Variants in FAM13B observed in about 807,000 individuals in gnomAD.
FAM13B encodes the protein family with sequence similarity 13 member B.
Under a neutral mutation model 117.3 loss-of-function variants are expected in FAM13B, and 60 were observed. That is an observed-to-expected ratio of 0.51 (90% CI 0.42 to 0.63). FAM13B has a LOEUF of 0.63. FAM13B is among the 30% of genes least tolerant of loss of function. The pLI, the probability that FAM13B is intolerant of heterozygous loss-of-function variation, is 0.00. For missense variants in FAM13B, 972 were observed against 1,091.9 expected, an observed-to-expected ratio of 0.89 and a Z score of 1.55; for synonymous variants, 332 against 356.1, an observed-to-expected ratio of 0.93 and a Z score of 0.76.
chr5:137,985,091 T>C (rs1561494996), intron 10 of FAM13B, among the ~76,000 whole-genome samples, 166 bp downstream of exon 10: 1 of 152,226 alleles, frequency 6.6e-6, no homozygotes, highest in Non-Finnish European at 1.5e-5. Context: ...TATACTTCTC[T>C]ACCCAGTGAT....
chr5:138,022,406 C>A (rs1266213420), intron 1 of FAM13B, among the ~76,000 whole-genome samples: 1 of 152,140 alleles, frequency 6.6e-6, no homozygotes, highest in Non-Finnish European at 1.5e-5. Context: ...CAGGACTCTG[C>A]CCAAGAAGCT....
chr5:138,026,938 CAAATAAATAAAT>C (rs36001323), intron 1 of FAM13B, among the ~76,000 whole-genome samples: 9,079 of 137,354 alleles, frequency 0.066, 389 homozygotes, highest in African/African-American at 0.12. Flanking sequence ...GACTCCATCT[CAAATAAATAAAT>C]AAATAAATAA....
At chr5:137,969,300 A>C (rs1771224047) in intron 10 of FAM13B, among the ~76,000 whole-genome samples, 1 of 152,150 alleles carries the variant, frequency 6.6e-6, no homozygotes, top group African/African-American at 2.4e-5. Flanking sequence ...TGGGTCCCTG[A>C]CCCTTGACCC....
chr5:138,003,912 T>A (rs193116641), intron 7 of FAM13B, among the ~76,000 whole-genome samples: 2 of 152,284 alleles, frequency 1.3e-5, no homozygotes, highest in East Asian at 3.9e-4. Context: ...GAATCCTTCT[T>A]ATTAATAAAC....
At chr5:138,020,320 A>G (rs1318954969) in intron 2 of FAM13B, among the ~76,000 whole-genome samples, 1 of 152,186 alleles carries the variant, frequency 6.6e-6, no homozygotes, top group Non-Finnish European at 1.5e-5. Flanking sequence ...TCAGCCTCCA[A>G]AGCGCTGGGA....
rs188858679 is a variant in FAM13B, at chr5:138,030,279, C to T, written c.-203+2503G>A. Reference sequence around the variant, plus strand: ...TTTTGTTTTTTGAGACAGGGTCTCACTCTGTCCCCCAGGCTGGAATGCAAT... The same window carrying T: ...TTTTGTTTTTTGAGACAGGGTCTCATTCTGTCCCCCAGGCTGGAATGCAAT... On this transcript the variant is annotated intron_variant, in intron 1 of 23. Coordinates refer to ENST00000689681, the MANE Select transcript of FAM13B (RefSeq NM_001385994.1). 3.3e-3 allele frequency among the ~76,000 whole-genome samples: 495 copies of T among 152,298 alleles called. 3 individuals are homozygous for T. Among genetic ancestry groups the T allele is most frequent in the African/African-American group, 0.011 (475 of 41,564 alleles).
At chr5:137,990,344 T>C (rs1229873129) in intron 7 of FAM13B, among the ~76,000 whole-genome samples, 1 of 152,238 alleles carries the variant, frequency 6.6e-6, no homozygotes, top group East Asian at 1.9e-4. Context: ...GCCATTTAAT[T>C]TGTGATCTCT....
At chr5:137,963,425 T>C (rs1316467056) in intron 10 of FAM13B, among the ~76,000 whole-genome samples, 1 of 152,268 alleles carries the variant, frequency 6.6e-6, no homozygotes. Context: ...CAACCTTACT[T>C]ATGTTACCAT....
intron 13 of FAM13B, among the ~76,000 whole-genome samples, chr5:137,959,396 T>G (rs1169417182): frequency 1.3e-5 from 2 of 152,208 alleles, no homozygotes; most frequent in South Asian, 4.1e-4. Context: ...TCAAAGCTGT[T>G]GATGGATCAG....
chr5:137,991,012 T>A (rs1263040652), intron 7 of FAM13B, among the ~76,000 whole-genome samples: 1 of 151,886 alleles, frequency 6.6e-6, no homozygotes, highest in Non-Finnish European at 1.5e-5. Flanking sequence ...TCAAAAAGGG[T>A]TTATCAAATC....
At position 137,956,462 on chromosome 5, in the gene FAM13B, G is replaced by T. The variant is rs534016110; in HGVS notation, c.1507+15C>A. 1.3e-6 allele frequency: 2 copies of T among 1,574,308 alleles called. No individual in the cohort carries two copies. The highest frequency in any genetic ancestry group is 1.7e-6 in the Non-Finnish European group (2 of 1,157,198). Reference sequence around the variant, plus strand: ...TAAAAGGCAAAAAAACTAAACTATGGTGAACCATACTTACCCTCCCCATCT... The same window carrying T: ...TAAAAGGCAAAAAAACTAAACTATGTTGAACCATACTTACCCTCCCCATCT... On this transcript the variant is annotated intron_variant, in intron 14 of 23. Transcript: ENST00000689681.
chr5:138,037,928 T>A (rs1266840684), upstream of FAM13B, among the ~76,000 whole-genome samples: 1 of 152,226 alleles, frequency 6.6e-6, no homozygotes, highest in Non-Finnish European at 1.5e-5. Context: ...CTGGTCAAGT[T>A]ACTTAACTTA....
chr5:138,017,448 A>C (rs1785546636), intron 4 of FAM13B, among the ~76,000 whole-genome samples: 1 of 152,240 alleles, frequency 6.6e-6, no homozygotes, highest in African/African-American at 2.4e-5. Flanking sequence ...ATTTCTTAGC[A>C]TAACTGAATT....
At chr5:138,012,008 C>A in intron 4 of FAM13B, 63 bp from the exon 5 acceptor site, 1 of 1,228,740 alleles carries the variant, frequency 8.1e-7, no homozygotes, top group East Asian at 2.6e-5. Context: ...GATATTTTGC[C>A]AGGTTCACAT....
upstream of FAM13B, among the ~76,000 whole-genome samples, chr5:138,034,350 G>A (rs1056925695): frequency 6.6e-6 from 1 of 152,162 alleles, no homozygotes; most frequent in African/African-American, 2.4e-5. Context: ...CCCTGCCTTC[G>A]TGGAGTTTAT....
chr5:137,978,810 G>A (rs1456707004), intron 10 of FAM13B, among the ~76,000 whole-genome samples: 2 of 152,088 alleles, frequency 1.3e-5, no homozygotes, highest in African/African-American at 4.8e-5. Flanking sequence ...CAGACAAAAT[G>A]AGCCTCCACC....
In FAM13B at chr5:137,965,495, G is replaced by A. The variant is rs188282610; in HGVS notation, c.1180-3026C>T. Among the ~76,000 whole-genome samples the A allele has an allele frequency of 3.1e-3, 473 of 152,176 alleles. 1 individual carries two copies. Among genetic ancestry groups the A allele is most frequent in the Middle Eastern group, 6.8e-3 (2 of 294 alleles). ...TCCCTTCCTTAGGGGTCCATAATTG[G>A]TGCACCCACCTTGCTTAGTTCTGCA... On this transcript the variant is annotated intron_variant, in intron 10 of 23. Transcript: ENST00000689681.
intron 6 of FAM13B, among the ~76,000 whole-genome samples, chr5:138,009,443 AT>A (rs1205842386): frequency 6.6e-6 from 1 of 152,010 alleles, no homozygotes; most frequent in Admixed American, 6.6e-5. Flanking sequence ...AGTTGAGAGG[AT>A]GTACTTAATA....
intron 13 of FAM13B, among the ~76,000 whole-genome samples, chr5:137,956,947 G>C (rs1405149128): frequency 3.9e-5 from 6 of 152,220 alleles, no homozygotes; most frequent in African/African-American, 1.4e-4. Context: ...GAGAGAATCT[G>C]AAGATGGTAT....
Sources: allele counts gnomAD v4.1 joint callset (sites outside exome capture counted in the v4.1 genomes callset), GRCh38; gene constraint gnomAD v4.1.1; transcripts MANE v1.5; gene names NCBI Gene and HGNC (gene_info 2026-07-23, HGNC 2026-07-21).